Variants in ELOVL2 observed in about 807,000 individuals in gnomAD.
The protein encoded by ELOVL2 is ELOVL fatty acid elongase 2, also known as very long chain fatty acid elongase 2.
ELOVL2 carries 38 observed loss-of-function variants against 37.7 expected under a neutral mutation model. The ratio of observed to expected loss-of-function variants is 1.01; its 90% CI spans 0.78 to 1.32. ELOVL2 has a LOEUF of 1.32. Ranked by LOEUF, ELOVL2 falls within the 40% of genes most tolerant of loss-of-function variation. The pLI, the probability that ELOVL2 is intolerant of heterozygous loss-of-function variation, is 0.00. For synonymous variants in ELOVL2, 115 were observed against 122.3 expected, an observed-to-expected ratio of 0.94 and a Z score of 0.40; for missense variants, 352 against 363.6, an observed-to-expected ratio of 0.97 and a Z score of 0.26.
rs764110484 is a variant in ELOVL2 at position 10,990,414 on chromosome 6, A to G, written c.534T>C (p.Phe178=). 1.6e-5 allele frequency: 25 copies of G among 1,609,584 alleles called. No individual in the cohort carries two copies. Among genetic ancestry groups the G allele is most frequent in the Non-Finnish European group, 2.1e-5 (25 of 1,178,534 alleles). The stretch of plus-strand genomic sequence containing the variant: ...AGTAGGAGTACATAAGAATGTGGAT[A>G]AAACTGTTCAGTGTTGGTCCAAAGA... ...QSFFGPTLNS[F]IHILMYSYYG... is the part of the protein sequence containing the mutation. Residue 178 remains phenylalanine, a synonymous_variant, in exon 6 of 8, where the codon TTT becomes TTC. Coordinates refer to ENST00000354666, the MANE Select transcript of ELOVL2 (RefSeq NM_017770.4).
rs757569244 is a variant in ELOVL2 at position 10,989,829 on chromosome 6, G to A, written c.639C>T (p.Phe213=). The A allele has an allele frequency of 5.0e-6, 8 of 1,614,008 alleles. No individual in the cohort carries two copies. Among genetic ancestry groups the A allele is most frequent in the East Asian group, 2.2e-5 (1 of 44,890 alleles). ...KYLTQAQLVQ[F]VLTITHTMSA... Reference sequence around the variant, plus strand: ...TCATGGTGTGCGTGATGGTGAGCACGAACTGCACCTGGGGACGGCAGAGAG... The same window carrying A: ...TCATGGTGTGCGTGATGGTGAGCACAAACTGCACCTGGGGACGGCAGAGAG... Residue 213 remains phenylalanine (F), a synonymous_variant, in exon 7 of 8, where the codon TTC becomes TTT. Coordinates refer to ENST00000354666, the MANE Select transcript of ELOVL2 (RefSeq NM_017770.4).
intron 1 of ELOVL2, among the ~76,000 whole-genome samples, chr6:11,020,043 T>C (rs1439524504): frequency 6.6e-6 from 1 of 152,194 alleles, no homozygotes; most frequent in Non-Finnish European, 1.5e-5. Context: ...CAGGCCTGGC[T>C]TGTATCATTT....
chr6:10,985,131 T>C (rs1782023774), intron 7 of ELOVL2, among the ~76,000 whole-genome samples: 1 of 152,246 alleles, frequency 6.6e-6, no homozygotes, highest in South Asian at 2.1e-4. Flanking sequence ...TGAGCATTTT[T>C]TCATGTGTTT....
chr6:10,990,342 C>T lies in ELOVL2; in HGVS notation c.606G>A (p.Lys202=). The T allele has an allele frequency of 1.2e-6, 2 of 1,612,706 alleles. No homozygotes were observed. Among genetic ancestry groups the T allele is most frequent in the Non-Finnish European group, 1.7e-6 (2 of 1,179,602 alleles). ...CCAGCTGAGCCTGTGTGAGATATTT[C>T]TTCCACCAAAGATACTTGTGCATAG... ...FPSMHKYLWW[K]KYLTQAQLVQ... The change falls in exon 6 of 8, where the codon AAG becomes AAA. Residue 202 remains lysine (K), a synonymous_variant. Coordinates refer to ENST00000354666, the MANE Select transcript of ELOVL2 (RefSeq NM_017770.4).
chr6:11,032,092 A>T (rs755269347), intron 1 of ELOVL2, among the ~76,000 whole-genome samples: 1 of 152,180 alleles, frequency 6.6e-6, no homozygotes, highest in Non-Finnish European at 1.5e-5. Flanking sequence ...ACTTGGGCTC[A>T]GGTTTCCAGT....
At chr6:11,014,129 C>T (rs1782631098) in intron 1 of ELOVL2, among the ~76,000 whole-genome samples, 1 of 152,166 alleles carries the variant, frequency 6.6e-6, no homozygotes, top group South Asian at 2.1e-4. Context: ...CTCTGGACCC[C>T]TGATTACTTA....
intron 1 of ELOVL2, among the ~76,000 whole-genome samples, chr6:11,033,286 T>C (rs1011569235): frequency 6.6e-5 from 10 of 152,220 alleles, no homozygotes; most frequent in Admixed American, 6.5e-4. Context: ...TATGTGCATA[T>C]ATGCATTCTT....
chr6:10,997,823 G>A (rs1782298624), intron 4 of ELOVL2, among the ~76,000 whole-genome samples: 1 of 152,168 alleles, frequency 6.6e-6, no homozygotes, highest in South Asian at 2.1e-4. Context: ...TTCAGGTATT[G>A]AGTCGTCATT....
At chr6:10,991,972 CAG>C (rs1370899466) in intron 5 of ELOVL2, among the ~76,000 whole-genome samples, 2 of 152,190 alleles carry the variant, frequency 1.3e-5, no homozygotes, top group Non-Finnish European at 2.9e-5. Flanking sequence ...GAAATTGTCA[CAG>C]TATTTACAGG....
chr6:11,011,999 A>AT (rs2113526116), intron 1 of ELOVL2, among the ~76,000 whole-genome samples: 1 of 152,362 alleles, frequency 6.6e-6, no homozygotes, highest in African/African-American at 2.4e-5. Context: ...CACTCTCAAA[A>AT]AAAGTTGTAA....
In ELOVL2 at chr6:11,010,892, G is replaced by GT. The variant is rs1459056485; in HGVS notation, c.4-84dup. Reference sequence around the variant, plus strand: ...CAAAACAAGCCACTACCAACAACATGTAACTGACAGACTTTCAAAGGGTCC... The same window carrying GT: ...CAAAACAAGCCACTACCAACAACATGTTAACTGACAGACTTTCAAAGGGTCC... On this transcript the variant is annotated intron_variant, in intron 1 of 7. Coordinates refer to ENST00000354666, the MANE Select transcript of ELOVL2 (RefSeq NM_017770.4). 7 of 1,019,832 alleles carry GT rather than the reference G, an allele frequency of 6.9e-6. No homozygotes were observed. In the African/African-American group the frequency reaches 1.1e-4, roughly 17 times the overall value. The allele number at this position is 1,019,832 out of a possible 1,614,324, so 63.2% of individuals were successfully genotyped here.
intron 1 of ELOVL2, among the ~76,000 whole-genome samples, chr6:11,021,880 G>T (rs2113541749): frequency 6.6e-6 from 1 of 152,320 alleles, no homozygotes; most frequent in Middle Eastern, 3.4e-3. Context: ...CTTTGTGCGA[G>T]AACCTGAGCT....
chr6:11,044,174 C>A lies in ELOVL2; in HGVS notation c.3+54G>T, dbSNP rs1383442850. On this transcript the variant is annotated intron_variant, in intron 1 of 7. Coordinates refer to ENST00000354666, the MANE Select transcript of ELOVL2 (RefSeq NM_017770.4). The surrounding 1 kb of genome is among the most constrained non-coding windows in gnomAD (Gnocchi z 5.6). Reference sequence around the variant, plus strand: ...GCCCTTTCCCGCCCGGTGCGTGGGTCCAGGAGAGAAAGAAAGCGCGGCGGT... The same window carrying A: ...GCCCTTTCCCGCCCGGTGCGTGGGTACAGGAGAGAAAGAAAGCGCGGCGGT... The A allele has an allele frequency of 6.2e-6, 9 of 1,453,026 alleles. No individual in the cohort carries two copies. Among genetic ancestry groups the A allele is most frequent in the Admixed American group, 2.6e-5 (1 of 38,308 alleles). 90.0% of individuals were successfully genotyped at this position (1,453,026 alleles called of 1,614,324 possible).
At chr6:11,010,659 C>T in intron 2 of ELOVL2, 87 bp downstream of exon 2, 2 of 1,068,220 alleles carry the variant, frequency 1.9e-6, no homozygotes, top group Non-Finnish European at 2.9e-6. Flanking sequence ...ATTTCCAAGA[C>T]ACCAGAAATA....
At chr6:11,030,581 T>C (rs1782915650) in intron 1 of ELOVL2, among the ~76,000 whole-genome samples, 1 of 152,116 alleles carries the variant, frequency 6.6e-6, no homozygotes, top group Non-Finnish European at 1.5e-5. Context: ...AAGCTCTGCC[T>C]CCTGGGTTCA....
intron 2 of ELOVL2, among the ~76,000 whole-genome samples, chr6:11,007,718 C>T (rs1782503675): frequency 6.6e-6 from 1 of 152,158 alleles, no homozygotes; most frequent in South Asian, 2.1e-4. Flanking sequence ...GCTTTACCTC[C>T]CCAACTATAG....
chr6:11,003,956 GC>G (rs1782434943), intron 3 of ELOVL2, among the ~76,000 whole-genome samples: 3 of 151,884 alleles, frequency 2.0e-5, no homozygotes, highest in Admixed American at 2.0e-4. Flanking sequence ...GGTGGTGGGT[GC>G]CTGTAATCCC....
Position 10,995,012 on chromosome 6 carries a change from C to T in ELOVL2, c.500G>A (p.Gly167Glu). The T allele has an allele frequency of 3.1e-6, 5 of 1,593,310 alleles. No individual in the cohort carries two copies. The highest frequency in any genetic ancestry group is 4.3e-6 in the Non-Finnish European group (5 of 1,171,112). ...AAATTAACAAAATAACTTACTTTGT[C>T]CACAAGGTATCCAGTTCAAGACACA... ...WWCVLNWIPC[G>E]QSFFGPTLNS... Residue 167 changes from glycine (G) to glutamate (E), a missense_variant, in exon 5 of 8, where the codon GGA becomes GAA. By Grantham distance (98) the Gly-to-Glu change is moderately conservative. Transcript: ENST00000354666.
intron 1 of ELOVL2, among the ~76,000 whole-genome samples, chr6:11,034,651 C>T (rs559164477): frequency 1.3e-5 from 2 of 151,912 alleles, no homozygotes; most frequent in East Asian, 3.9e-4. Context: ...CCACTGCACT[C>T]CAGCCTGGGT....
Sources: gnomAD v4.1 joint callset for allele counts (sites outside exome capture counted in the v4.1 genomes callset) on GRCh38, gnomAD v4.1.1 for gene constraint, Gnocchi (gnomAD v3.1) non-coding constraint, MANE v1.5 for transcripts, NCBI Gene and HGNC (gene_info 2026-07-23, HGNC 2026-07-21) for gene names.